Variants in SCMH1 observed in about 807,000 individuals in gnomAD.
SCMH1 encodes Scm polycomb group protein homolog 1.
Under a neutral mutation model 70.8 loss-of-function variants are expected in SCMH1, and 37 were observed. That is an observed-to-expected ratio of 0.52 (90% CI 0.40 to 0.69). The LOEUF (loss-of-function observed/expected upper bound fraction) is 0.69. Ranked by LOEUF, SCMH1 falls within the 30% of genes least tolerant of loss-of-function variation. The pLI is 0.00. For missense variants in SCMH1, 607 were observed against 827.3 expected (o/e 0.73, Z 3.27); for synonymous variants, 292 against 307.4 (o/e 0.95, Z 0.52).
chr1:41,163,347 T>C (rs1324671335), intron 2 of SCMH1, among the ~76,000 whole-genome samples: 1 of 152,092 alleles, frequency 6.6e-6, no homozygotes, highest in Non-Finnish European at 1.5e-5. Context: ...CAGTCTCTCT[T>C]GGAGGCGTGA....
chr1:41,174,717 G>C (rs962063743), intron 2 of SCMH1, among the ~76,000 whole-genome samples: 1 of 152,142 alleles, frequency 6.6e-6, no homozygotes, highest in Non-Finnish European at 1.5e-5. Context: ...ATGTTTGTGT[G>C]TATATACACA....
intron 10 of SCMH1, among the ~76,000 whole-genome samples, chr1:41,061,473 T>C (rs1050908615): frequency 2.0e-5 from 3 of 152,168 alleles, no homozygotes; most frequent in African/African-American, 7.2e-5. Context: ...CAAGGAAAAT[T>C]ATCAGGGAAA....
intron 5 of SCMH1, 113 bp from the exon 6 acceptor site, chr1:41,143,225 C>T: frequency 1.4e-6 from 1 of 694,758 alleles, no homozygotes; most frequent in Admixed American, 2.8e-5. Context: ...GAATTATTCC[C>T]TAATAATTAA....
chr1:41,153,680 T>C (rs557743598), intron 4 of SCMH1, among the ~76,000 whole-genome samples: 20 of 152,344 alleles, frequency 1.3e-4, no homozygotes, highest in African/African-American at 4.8e-4. Context: ...CCCACTGTGA[T>C]GGCTGACTGG....
chr1:41,152,855 C>T, intron 4 of SCMH1: 2 of 1,100,458 alleles, frequency 1.8e-6, no homozygotes, highest in South Asian at 3.5e-5. Context: ...GTTCCTTTCC[C>T]ACTACCCTTA....
intron 1 of SCMH1, among the ~76,000 whole-genome samples, chr1:41,230,659 T>TAA (rs61454170): frequency 5.2e-5 from 7 of 135,642 alleles, no homozygotes; most frequent in Admixed American, 7.4e-5. Context: ...CCCTATGTCT[T>TAA]AAAAAAAAAA....
intron 10 of SCMH1, among the ~76,000 whole-genome samples, chr1:41,056,579 A>AT (rs1180450999): frequency 6.6e-5 from 10 of 152,360 alleles, no homozygotes; most frequent in Admixed American, 1.3e-4. Context: ...AAAAAGCTGA[A>AT]TAAGCTGAAA....
chr1:41,192,635 G>A (rs1652001904), intron 1 of SCMH1, among the ~76,000 whole-genome samples: 1 of 151,802 alleles, frequency 6.6e-6, no homozygotes, highest in South Asian at 2.1e-4. Flanking sequence ...AAACTATTTT[G>A]CTGCAGGCCC....
At chr1:41,155,070 A>G (rs1335192425) in intron 4 of SCMH1, among the ~76,000 whole-genome samples, 2 of 152,214 alleles carry the variant, frequency 1.3e-5, no homozygotes, top group African/African-American at 4.8e-5. Context: ...CTTCAGAGGA[A>G]ATGTCTAAGC....
intron 2 of SCMH1, among the ~76,000 whole-genome samples, chr1:41,177,838 T>G (rs1045921653): frequency 1.3e-5 from 2 of 152,062 alleles, no homozygotes; most frequent in Non-Finnish European, 2.9e-5. Flanking sequence ...CAGGAGAACT[T>G]CCCCAATTAG....
At chr1:41,104,960 T>G (rs1469284318) in intron 8 of SCMH1, among the ~76,000 whole-genome samples, 3 of 75,684 alleles carry the variant, frequency 4.0e-5, no homozygotes, top group Admixed American at 2.2e-4. Context: ...TTAAACAGCC[T>G]TTTTTTTTTT....
chr1:41,174,984 A>G lies in SCMH1; in HGVS notation c.13+11137T>C, dbSNP rs574068263. 3.3e-5 allele frequency among the ~76,000 whole-genome samples: 5 copies of G among 152,316 alleles called. No homozygotes were observed. In the South Asian group the frequency reaches 1.0e-3, roughly 32 times the overall value. On this transcript the variant is annotated intron_variant, in intron 2 of 14. Coordinates refer to ENST00000337495, the Ensembl canonical transcript of SCMH1. ...TGACCTTGTTACTGTCTTCATTTGG[A>G]GATCAAGTATGGCTTAAGGAAATAC... is the stretch of plus-strand genomic sequence containing the variant.
chr1:41,146,139 GAC>G (rs775673226), intron 5 of SCMH1, among the ~76,000 whole-genome samples: 1 of 151,838 alleles, frequency 6.6e-6, no homozygotes, highest in Non-Finnish European at 1.5e-5. Context: ...AGAAATGGAA[GAC>G]AGTGATACTG....
intron 6 of SCMH1, among the ~76,000 whole-genome samples, chr1:41,134,130 T>C (rs1398638088): frequency 6.6e-6 from 1 of 152,160 alleles, no homozygotes; most frequent in Non-Finnish European, 1.5e-5. Context: ...TAGTTCAACA[T>C]ACGCAAATCA....
chr1:41,131,477 T>A (rs1433823418), intron 6 of SCMH1, among the ~76,000 whole-genome samples: 2 of 152,224 alleles, frequency 1.3e-5, no homozygotes, highest in Non-Finnish European at 2.9e-5. Context: ...TTGGAGAATA[T>A]TACTGATAGT....
chr1:41,178,231 G>A (rs1647566950), intron 2 of SCMH1, among the ~76,000 whole-genome samples: 1 of 152,184 alleles, frequency 6.6e-6, no homozygotes, highest in African/African-American at 2.4e-5. Flanking sequence ...AAGAGCTCCT[G>A]AAGGAAGCAC....
chr1:41,150,501 T>TCAAAA (rs781078786), intron 5 of SCMH1, among the ~76,000 whole-genome samples: 21 of 152,274 alleles, frequency 1.4e-4, no homozygotes, highest in East Asian at 1.4e-3. Flanking sequence ...AGACTCTGTC[T>TCAAAA]CAAAACAAAA....
At chr1:41,028,050 A>T in exon 15 of SCMH1, 1 of 919,290 alleles carries the variant, frequency 1.1e-6, no homozygotes, top group Non-Finnish European at 1.7e-6. Flanking sequence ...AGCTGTGGCT[A>T]GGAGTGGTGG....
At chr1:41,186,084 C>G in intron 2 of SCMH1, 37 bp downstream of exon 2, 1 of 1,545,742 alleles carries the variant, frequency 6.5e-7, no homozygotes, top group Non-Finnish European at 8.7e-7. Context: ...GTCTCTTAAT[C>G]CCTCTTACCT....
Sources: allele counts gnomAD v4.1 joint callset (sites outside exome capture counted in the v4.1 genomes callset), GRCh38; gene constraint gnomAD v4.1.1; transcripts MANE v1.5; gene names NCBI Gene and HGNC (gene_info 2026-07-23, HGNC 2026-07-21).